GPHN: variants seen among roughly 807,000 people sequenced by gnomAD.
The protein encoded by GPHN is gephyrin.
Under a neutral mutation model 95.5 loss-of-function variants are expected in GPHN, and 17 were observed. The observed-to-expected ratio is 0.18, with a 90% confidence interval of 0.12 to 0.27. The LOEUF (loss-of-function observed/expected upper bound fraction) is 0.27, where lower values mean the gene tolerates loss of function less well. Ranked by LOEUF, GPHN falls within the 10% of genes least tolerant of loss-of-function variation. GPHN has a pLI of 1.00. For synonymous variants in GPHN, 320 were observed against 322.5 expected (o/e 0.99, Z 0.08); for missense variants, 660 against 978.1 (o/e 0.67, Z 4.34).
chr14:67,106,742 G>T (rs541510168), intron 13 of GPHN, among the ~76,000 whole-genome samples: 163 of 151,098 alleles, frequency 1.1e-3, no homozygotes, highest in African/African-American at 3.8e-3. Context: ...GCTAGGTTTT[G>T]TTTTTGTTTT....
chr14:66,809,914 C>T (rs540028667), intron 3 of GPHN, among the ~76,000 whole-genome samples: 2 of 152,030 alleles, frequency 1.3e-5, no homozygotes, highest in African/African-American at 4.8e-5. Flanking sequence ...TTAGTATTAC[C>T]ATTGTATAAT....
the GPHN span, among the ~76,000 whole-genome samples, chr14:67,371,581 ATACTC>A: frequency 1.3e-5 from 2 of 152,226 alleles, no homozygotes; most frequent in Admixed American, 6.5e-5. Flanking sequence ...GTTGTTTAGT[ATACTC>A]TATTATTCCT....
chr14:67,181,109 TA>T lies in GPHN; in HGVS notation c.*177del. 1.4e-6 allele frequency: 1 copy of T among 690,586 alleles called. No homozygotes were observed. Among genetic ancestry groups the T allele is most frequent in the African/African-American group, 1.8e-5 (1 of 55,618 alleles). 42.8% of individuals were successfully genotyped at this position (690,586 alleles called of 1,614,324 possible). On this transcript the variant is annotated 3_prime_UTR_variant, in exon 23 of 23. Transcript: ENST00000478722. Reference sequence around the variant, plus strand: ...AATATCTTTTAAAGAAAAAAACACCTAAAAATAAATCTTAACAGAAAATTCT... The same window carrying T: ...AATATCTTTTAAAGAAAAAAACACCTAAAATAAATCTTAACAGAAAATTCT...
At chr14:66,510,805 T>C (rs2058012512) in intron 1 of GPHN, among the ~76,000 whole-genome samples, 1 of 151,692 alleles carries the variant, frequency 6.6e-6, no homozygotes, top group Non-Finnish European at 1.5e-5. Flanking sequence ...AAAGCTGAAG[T>C]GGAATGGGTA....
chr14:66,655,056 C>T (rs2153368618), intron 1 of GPHN, among the ~76,000 whole-genome samples: 1 of 152,238 alleles, frequency 6.6e-6, no homozygotes, highest in South Asian at 2.1e-4. Context: ...AAGACTGATA[C>T]CTCACACTTA....
intron 2 of GPHN, among the ~76,000 whole-genome samples, chr14:66,711,275 G>A (rs990465832): frequency 6.6e-6 from 1 of 152,130 alleles, no homozygotes; most frequent in African/African-American, 2.4e-5. Flanking sequence ...CCACATATCA[G>A]TGAGAATATA....
the GPHN span, chr14:67,474,016 G>A: frequency 7.0e-7 from 1 of 1,426,648 alleles, no homozygotes; most frequent in Non-Finnish European, 9.2e-7. Flanking sequence ...GCTTTGGGAG[G>A]CCGAGGCGGC....
chr14:66,769,676 A>G (rs972130134), intron 2 of GPHN, among the ~76,000 whole-genome samples: 2 of 152,128 alleles, frequency 1.3e-5, no homozygotes, highest in Admixed American at 6.5e-5. Flanking sequence ...TTGTGGCTGC[A>G]TAGTATTTCA....
At chr14:66,676,414 C>A (rs900631930) in intron 1 of GPHN, among the ~76,000 whole-genome samples, 4 of 151,998 alleles carry the variant, frequency 2.6e-5, no homozygotes, top group African/African-American at 9.7e-5. Flanking sequence ...TAGCTTTTCT[C>A]CATTCAGTGT....
chr14:66,809,175 A>G (rs961365388), intron 3 of GPHN, among the ~76,000 whole-genome samples: 1 of 152,148 alleles, frequency 6.6e-6, no homozygotes, highest in Non-Finnish European at 1.5e-5. Flanking sequence ...TTGATAAGAG[A>G]CAGAGACAGA....
At chr14:66,831,547 G>T (rs960345309) in intron 4 of GPHN, among the ~76,000 whole-genome samples, 2 of 152,028 alleles carry the variant, frequency 1.3e-5, no homozygotes, top group Non-Finnish European at 2.9e-5. Context: ...GTCTAAACAC[G>T]TTGGCATGCA....
chr14:67,162,007 G>T (rs1232763374), intron 19 of GPHN, among the ~76,000 whole-genome samples: 1 of 152,032 alleles, frequency 6.6e-6, no homozygotes, highest in Non-Finnish European at 1.5e-5. Context: ...TGTAAATGCT[G>T]TTATAGTCTG....
chr14:67,590,449 C>T, the GPHN span, among the ~76,000 whole-genome samples: 1 of 152,086 alleles, frequency 6.6e-6, no homozygotes, highest in Non-Finnish European at 1.5e-5. Flanking sequence ...ACCTCTGCAT[C>T]CCGGGTTCAA....
At chr14:67,352,184 A>G in the GPHN span, among the ~76,000 whole-genome samples, 1 of 152,102 alleles carries the variant, frequency 6.6e-6, no homozygotes, top group Non-Finnish European at 1.5e-5. Context: ...AAGTACGTAC[A>G]GGTTTAAAAA....
At chr14:66,696,512 T>C (rs2068106641) in intron 2 of GPHN, among the ~76,000 whole-genome samples, 1 of 152,196 alleles carries the variant, frequency 6.6e-6, no homozygotes, top group South Asian at 2.1e-4. Context: ...CCTAGAAATA[T>C]CGAAAGACAC....
chr14:67,074,951 G>T (rs1284525616), intron 11 of GPHN, among the ~76,000 whole-genome samples: 2 of 152,172 alleles, frequency 1.3e-5, no homozygotes, highest in Non-Finnish European at 1.5e-5. Context: ...GCAACAGCAA[G>T]TTATCCAGAA....
chr14:67,570,158 T>C, the GPHN span: 1 of 711,648 alleles, frequency 1.4e-6, no homozygotes, highest in Non-Finnish European at 2.3e-6. Flanking sequence ...TGTCATTTTG[T>C]TTTATTGTTT....
chr14:67,166,072 CTTTG>C (rs912762220), intron 20 of GPHN, among the ~76,000 whole-genome samples: 2 of 151,810 alleles, frequency 1.3e-5, no homozygotes, highest in South Asian at 2.1e-4. Flanking sequence ...GCTTTTGGAT[CTTTG>C]TTTGTTTTTT....
At chr14:67,277,430 T>G in the GPHN span, among the ~76,000 whole-genome samples, 1 of 152,200 alleles carries the variant, frequency 6.6e-6, no homozygotes, top group Non-Finnish European at 1.5e-5. Context: ...TGTCCCTGTT[T>G]GCATTATGAC....
Sources: allele counts gnomAD v4.1 joint callset (sites outside exome capture counted in the v4.1 genomes callset), GRCh38; gene constraint gnomAD v4.1.1; transcripts MANE v1.5; gene names NCBI Gene and HGNC (gene_info 2026-07-23, HGNC 2026-07-21).